NALF1: variants seen among roughly 807,000 people sequenced by gnomAD.
NALF1 encodes NALCN channel auxiliary factor 1.
A neutral mutation model predicts 48.4 loss-of-function variants in NALF1; 3 were observed. The observed-to-expected ratio is 0.06, with a 90% CI of 0.03 to 0.16. The LOEUF (loss-of-function observed/expected upper bound fraction) is 0.16, where lower values mean the gene tolerates loss of function less well. NALF1 is among the 10% of genes least tolerant of loss of function. The pLI is 1.00. For synonymous variants in NALF1, 262 were observed against 245.7 expected, an observed-to-expected ratio of 1.07 and a Z score of -0.62; for missense variants, 526 against 571.5, an observed-to-expected ratio of 0.92 and a Z score of 0.81.
chr13:107,218,240 T>A (rs1244865472), intron 1 of NALF1, among the ~76,000 whole-genome samples: 4 of 152,216 alleles, frequency 2.6e-5, no homozygotes, highest in Admixed American at 2.6e-4. Context: ...GCATTCCCTC[T>A]AGACCCTGCA....
chr13:107,860,909 C>T (rs1594319320), intron 1 of NALF1, among the ~76,000 whole-genome samples: 1 of 152,146 alleles, frequency 6.6e-6, no homozygotes, highest in East Asian at 1.9e-4. Flanking sequence ...TATATGTGGA[C>T]ACTAACTTCA....
intron 1 of NALF1, among the ~76,000 whole-genome samples, chr13:107,350,854 G>A (rs950599067): frequency 1.3e-5 from 2 of 152,150 alleles, no homozygotes; most frequent in African/African-American, 4.8e-5. Flanking sequence ...ACCAGAGACT[G>A]CATTTCTAAG....
At chr13:107,774,610 T>C (rs1431755059) in intron 1 of NALF1, among the ~76,000 whole-genome samples, 1 of 152,226 alleles carries the variant, frequency 6.6e-6, no homozygotes, top group Non-Finnish European at 1.5e-5. Context: ...ACATTCTCTG[T>C]AGTTCCATAA....
At chr13:107,602,311 C>T (rs914674690) in intron 1 of NALF1, among the ~76,000 whole-genome samples, 2 of 152,100 alleles carry the variant, frequency 1.3e-5, no homozygotes, top group African/African-American at 4.8e-5. Flanking sequence ...TAGAAAGCGG[C>T]TGAGAATAAG....
At chr13:107,642,821 T>C (rs1880196368) in intron 1 of NALF1, among the ~76,000 whole-genome samples, 1 of 152,200 alleles carries the variant, frequency 6.6e-6, no homozygotes, top group South Asian at 2.1e-4. Flanking sequence ...TCTCCTTATG[T>C]TGTATGTGCT....
intron 1 of NALF1, among the ~76,000 whole-genome samples, chr13:107,829,033 A>G (rs1442096630): frequency 1.3e-5 from 2 of 152,200 alleles, no homozygotes; most frequent in African/African-American, 4.8e-5. Flanking sequence ...AGCTCCAAAA[A>G]TAGCCTATCA....
At position 107,670,478 on chromosome 13, in the gene NALF1, G is replaced by C. The variant is rs575532556; in HGVS notation, c.915+195204C>G. The stretch of plus-strand genomic sequence containing the variant: ...ATCAGTGATAAGACTATCTTTTCTC[G>C]AGGCTATAATAGTAAATGAACTAAA... On this transcript the variant is annotated intron_variant, in intron 1 of 2. Coordinates refer to ENST00000375915, the MANE Select transcript of NALF1 (RefSeq NM_001080396.3). Among the ~76,000 whole-genome samples, 3 of 152,156 alleles carry C rather than the reference G, an allele frequency of 2.0e-5. No homozygotes were observed. The South Asian group carries it at 6.2e-4, about 32-fold the overall frequency.
Position 107,280,033 on chromosome 13 carries a change from C to A in NALF1, c.916-69278G>T, listed in dbSNP as rs530096647. On this transcript the variant is annotated intron_variant, in intron 1 of 2. Transcript: ENST00000375915. ...TCTTGAACTCGTGAGCTCAACCGAT[C>A]CTCCTGCCTTGGCCTCCCAAAGTGC... Among the ~76,000 whole-genome samples, 31 of 152,272 alleles carry A rather than the reference C, an allele frequency of 2.0e-4. 1 individual carries two copies. The highest frequency in any genetic ancestry group is 6.7e-4 in the African/African-American group (28 of 41,560).
At chr13:107,693,821 A>G (rs2138506279) in intron 1 of NALF1, among the ~76,000 whole-genome samples, 1 of 152,256 alleles carries the variant, frequency 6.6e-6, no homozygotes, top group South Asian at 2.1e-4. Context: ...CATAACTCAG[A>G]TTTGGAGGCC....
intron 1 of NALF1, among the ~76,000 whole-genome samples, chr13:107,808,922 T>C (rs563642684): frequency 6.6e-6 from 1 of 152,188 alleles, no homozygotes; most frequent in South Asian, 2.1e-4. Context: ...AAGTTACTAA[T>C]AGGCCTGTGA....
intron 1 of NALF1, among the ~76,000 whole-genome samples, chr13:107,281,056 T>C (rs1229881725): frequency 2.0e-5 from 3 of 152,244 alleles, no homozygotes; most frequent in African/African-American, 7.2e-5. Context: ...TCTGTATCTA[T>C]TCAGGGACTG....
intron 1 of NALF1, among the ~76,000 whole-genome samples, chr13:107,384,731 A>C (rs2138977145): frequency 6.6e-6 from 1 of 152,346 alleles, no homozygotes; most frequent in Middle Eastern, 3.4e-3. Flanking sequence ...ATTTGAAACA[A>C]AAGAAGGTGA....
intron 1 of NALF1, among the ~76,000 whole-genome samples, chr13:107,570,558 T>C (rs1488145829): frequency 7.7e-6 from 1 of 130,598 alleles, no homozygotes; most frequent in Non-Finnish European, 1.6e-5. Context: ...TTTATTTTTT[T>C]CTTTTATTTA....
intron 1 of NALF1, among the ~76,000 whole-genome samples, chr13:107,224,552 A>C (rs924033544): frequency 6.6e-6 from 1 of 151,792 alleles, no homozygotes; most frequent in African/African-American, 2.4e-5. Context: ...AAAGCTAATA[A>C]ATTTTATGTC....
Position 107,481,885 on chromosome 13 carries a change from T to G in NALF1, c.916-271130A>C, listed in dbSNP as rs78962399. 5.9e-3 allele frequency among the ~76,000 whole-genome samples: 892 copies of G among 152,224 alleles called. 29 individuals carry two copies. The East Asian group carries it at 0.1, about 17-fold the overall frequency. ...ATCAAGGCATAGAAATATCATAAGCTTTAGTAGAAGTAGAGGAAGTTGACT... is the reference window on the plus strand; with the variant it reads ...ATCAAGGCATAGAAATATCATAAGCGTTAGTAGAAGTAGAGGAAGTTGACT... On this transcript the variant is annotated intron_variant, in intron 1 of 2. Transcript: ENST00000375915.
chr13:107,195,371 C>T (rs1055636813), intron 2 of NALF1, among the ~76,000 whole-genome samples: 16 of 152,150 alleles, frequency 1.1e-4, no homozygotes, highest in African/African-American at 3.9e-4. Flanking sequence ...TTTGTAATGG[C>T]GGTAACATAC....
intron 1 of NALF1, among the ~76,000 whole-genome samples, chr13:107,402,067 C>A (rs1883818309): frequency 6.6e-6 from 1 of 151,560 alleles, no homozygotes; most frequent in South Asian, 2.1e-4. Context: ...CATGGGCTAG[C>A]CTAGCAAAGC....
At chr13:107,472,274 A>G (rs2003846) in intron 1 of NALF1, among the ~76,000 whole-genome samples, 4,245 of 152,288 alleles carry the variant, frequency 0.028, 200 homozygotes, top group African/African-American at 0.097. Flanking sequence ...GGTTGCAGTG[A>G]GCTGAGATCG....
intron 1 of NALF1, among the ~76,000 whole-genome samples, chr13:107,613,167 C>T (rs1886227): frequency 0.61 from 93,375 of 152,000 alleles, 29,097 homozygotes; most frequent in East Asian, 0.84. Context: ...CCTGCTTGTT[C>T]TACTCACAGA....
Sources: allele counts gnomAD v4.1 joint callset (sites outside exome capture counted in the v4.1 genomes callset), GRCh38; gene constraint gnomAD v4.1.1; transcripts MANE v1.5; gene names NCBI Gene and HGNC (gene_info 2026-07-23, HGNC 2026-07-21).